SDK1: variants seen among roughly 807,000 people sequenced by gnomAD.
The protein encoded by SDK1 is protein sidekick-1.
SDK1 carries 157 observed loss-of-function variants against 245.5 expected under a neutral mutation model. The observed-to-expected ratio is 0.64, with a 90% CI of 0.56 to 0.73. The LOEUF is 0.73. Among genes scored for constraint, SDK1 ranks in the 30% least tolerant of loss-of-function variants. The probability of loss-of-function intolerance (pLI) is 0.00; values close to 1 mark genes in which losing one functional copy is unlikely to be tolerated. For synonymous variants in SDK1, 1,647 were observed against 1,278.5 expected, an observed-to-expected ratio of 1.29 and a Z score of -6.15; for missense variants, 3,583 against 3,002.3, an observed-to-expected ratio of 1.19 and a Z score of -4.52.
intron 22 of SDK1, among the ~76,000 whole-genome samples, chr7:4,101,216 T>A (rs1477812011): frequency 6.6e-6 from 1 of 151,032 alleles, no homozygotes; most frequent in Non-Finnish European, 1.5e-5. Context: ...TGGTGCGATC[T>A]CGGCAAGCTC....
chr7:3,506,181 C>G (rs986871056), intron 1 of SDK1, among the ~76,000 whole-genome samples: 2 of 151,556 alleles, frequency 1.3e-5, no homozygotes, highest in Non-Finnish European at 2.9e-5. Context: ...ACAACTAGTT[C>G]TCTCAGATTT....
Position 4,085,019 on chromosome 7 carries a change from C to G in SDK1, c.3324+5435C>G, listed in dbSNP as rs551258097. On this transcript the variant is annotated intron_variant, in intron 22 of 44. Transcript: ENST00000404826. ...CCTCAAGTGATCCACCTGCCTTGGC[C>G]TCCCAAAGTGCTGGGATTACAGGTG... Among the ~76,000 whole-genome samples the G allele has an allele frequency of 4.8e-3, 736 of 152,262 alleles. 6 individuals carry two copies. Among genetic ancestry groups the G allele is most frequent in the Non-Finnish European group, 8.2e-3 (561 of 68,030 alleles).
Position 4,217,071 on chromosome 7 carries a change from G to C in SDK1, c.5540-3038G>C, listed in dbSNP as rs1200515380. Among the ~76,000 whole-genome samples, 54 of 9,098 alleles carry C rather than the reference G, an allele frequency of 5.9e-3. 1 individual carries two copies. The highest frequency in any genetic ancestry group is 0.024 in the African/African-American group (32 of 1,308). 6.0% of individuals were successfully genotyped at this position (9,098 alleles called of 152,430 possible). A position where few individuals can be genotyped will look rare whatever the true frequency, so the allele number is the denominator to read the frequency against. ...GAGCACCACACCACCCGGAGCACCA[G>C]GCCACCCGGAGCACCACACCACCCG... On this transcript the variant is annotated intron_variant, in intron 38 of 44. Transcript: ENST00000404826.
intron 1 of SDK1, among the ~76,000 whole-genome samples, chr7:3,505,671 A>G (rs762952305): frequency 3.9e-5 from 6 of 152,200 alleles, no homozygotes; most frequent in South Asian, 2.1e-4. Context: ...ATTTTTTTCA[A>G]TAAATAAACT....
intron 4 of SDK1, among the ~76,000 whole-genome samples, chr7:3,666,696 T>G (rs962306977): frequency 1.3e-5 from 2 of 152,302 alleles, no homozygotes; most frequent in Non-Finnish European, 2.9e-5. Flanking sequence ...ATTAATTGTT[T>G]TATGCCTAAT....
intron 1 of SDK1, among the ~76,000 whole-genome samples, chr7:3,594,560 T>G (rs1422798376): frequency 6.6e-6 from 1 of 152,220 alleles, no homozygotes; most frequent in Non-Finnish European, 1.5e-5. Flanking sequence ...CCGCCGGTCA[T>G]GTATGAGGGT....
rs1207473149 is a variant in SDK1, at chr7:3,888,303, A to G, written c.848-62620A>G. On this transcript the variant is annotated intron_variant, in intron 5 of 44. Coordinates refer to ENST00000404826, the MANE Select transcript of SDK1 (RefSeq NM_152744.4). ...CACTTAACTTGATGCTGTTTTCATCATATTGTCCCATCCCACAGTCTGGCC... is the reference window on the plus strand; with the variant it reads ...CACTTAACTTGATGCTGTTTTCATCGTATTGTCCCATCCCACAGTCTGGCC... Among the ~76,000 whole-genome samples the G allele has an allele frequency of 2.0e-5, 3 of 152,198 alleles. No homozygotes were observed. The East Asian group carries it at 5.8e-4, about 29-fold the overall frequency.
chr7:3,307,234 CT>C lies in SDK1; in HGVS notation c.298+5358del, dbSNP rs201194006. Among the ~76,000 whole-genome samples, 151 of 151,972 alleles carry C rather than the reference CT, an allele frequency of 9.9e-4. 1 individual carries two copies. Among genetic ancestry groups the C allele is most frequent in the African/African-American group, 3.6e-3 (149 of 41,476 alleles). On this transcript the variant is annotated intron_variant, in intron 1 of 44. Transcript: ENST00000404826. The stretch of plus-strand genomic sequence containing the variant: ...AATTTCCCCCTAAGTATGTACACCT[CT>C]TTTTTTTAAAAAAAGGGCATAAACG...
At chr7:3,920,853 C>G (rs141424219) in intron 5 of SDK1, among the ~76,000 whole-genome samples, 135 of 152,292 alleles carry the variant, frequency 8.9e-4, no homozygotes, top group African/African-American at 3.1e-3. Flanking sequence ...GAAGATGGAT[C>G]TCGCAATTGA....
At chr7:3,774,354 A>C (rs1171283652) in intron 4 of SDK1, among the ~76,000 whole-genome samples, 8 of 152,216 alleles carry the variant, frequency 5.3e-5, no homozygotes, top group Admixed American at 5.2e-4. Context: ...CTGTGATCAA[A>C]AGCAGCAATC....
intron 22 of SDK1, among the ~76,000 whole-genome samples, chr7:4,109,599 C>A (rs1783197608): frequency 6.6e-6 from 1 of 152,224 alleles, no homozygotes; most frequent in South Asian, 2.1e-4. Flanking sequence ...AGCCACACGG[C>A]CACACGAAAC....
At chr7:3,684,495 T>C (rs891894417) in intron 4 of SDK1, among the ~76,000 whole-genome samples, 1 of 152,212 alleles carries the variant, frequency 6.6e-6, no homozygotes, top group Admixed American at 6.5e-5. Context: ...CCGGCCTTTA[T>C]GCTCCACATC....
At chr7:3,947,362 G>C (rs1319908976) in intron 5 of SDK1, among the ~76,000 whole-genome samples, 2 of 152,108 alleles carry the variant, frequency 1.3e-5, no homozygotes, top group African/African-American at 4.8e-5. Context: ...TGGCATTTTA[G>C]ACTATGGATT....
At chr7:3,436,977 CAAT>C (rs1780047363) in intron 1 of SDK1, among the ~76,000 whole-genome samples, 1 of 152,058 alleles carries the variant, frequency 6.6e-6, no homozygotes. Flanking sequence ...GGATTAGTCA[CAAT>C]AAAAAAAATT....
chr7:3,947,610 A>T (rs1315905822), intron 5 of SDK1, among the ~76,000 whole-genome samples: 1 of 151,232 alleles, frequency 6.6e-6, no homozygotes, highest in East Asian at 1.9e-4. Context: ...TATATCTTTT[A>T]AAAATACATA....
At chr7:3,497,152 A>G (rs973677218) in intron 1 of SDK1, among the ~76,000 whole-genome samples, 2 of 152,182 alleles carry the variant, frequency 1.3e-5, no homozygotes, top group Non-Finnish European at 2.9e-5. Context: ...CTTAACTAAA[A>G]AGAGAAACTC....
At chr7:3,717,502 A>G (rs139702686) in intron 4 of SDK1, among the ~76,000 whole-genome samples, 139 of 152,342 alleles carry the variant, frequency 9.1e-4, no homozygotes, top group African/African-American at 3.1e-3. Flanking sequence ...TCTCAAATCA[A>G]TAATTTAAGC....
rs753077020 is a variant in SDK1 at position 4,161,804 on chromosome 7, G to A, written c.4748G>A (p.Gly1583Glu). 2 of 1,614,024 alleles carry A rather than the reference G, an allele frequency of 1.2e-6. No individual in the cohort carries two copies. Among genetic ancestry groups the A allele is most frequent in the African/African-American group, 2.7e-5 (2 of 74,934 alleles). The stretch of plus-strand genomic sequence containing the variant: ...GTTTCAGTTCCAGGAGAGCCCCCGG[G>A]ATCTGTCTCAGCGACGCCACACACC... ...TLQDVPGEPPGSVSATPHTTS... is the reference protein window; with the variant it reads ...TLQDVPGEPPESVSATPHTTS... Residue 1583 changes from glycine to glutamate, a missense_variant, in exon 32 of 45, where the codon GGA (glycine) becomes GAA (glutamate). Physicochemically the swap from Gly to Glu is moderately conservative, Grantham distance 98 (BLOSUM62 -2). Transcript: ENST00000404826.
At chr7:3,304,712 A>G (rs918365700) in intron 1 of SDK1, among the ~76,000 whole-genome samples, 1 of 152,176 alleles carries the variant, frequency 6.6e-6, no homozygotes, top group Admixed American at 6.5e-5. Context: ...TATAATACAC[A>G]TTGGAATTCG....
Sources: allele counts gnomAD v4.1 joint callset (sites outside exome capture counted in the v4.1 genomes callset), GRCh38; gene constraint gnomAD v4.1.1; transcripts MANE v1.5; gene names NCBI Gene and HGNC (gene_info 2026-07-23, HGNC 2026-07-21).